The following STIM2 variants were observed in gnomAD, a reference collection of about 807,000 sequenced individuals.
STIM2 encodes the protein stromal interaction molecule 2.
Under a neutral mutation model 85.8 loss-of-function variants are expected in STIM2, and 31 were observed. That is an observed-to-expected ratio of 0.36 (90% CI 0.27 to 0.49). STIM2 has a LOEUF of 0.49. Ranked by LOEUF, STIM2 falls within the 20% of genes least tolerant of loss-of-function variation. The probability of loss-of-function intolerance (pLI) is 0.98; values close to 1 mark genes in which losing one functional copy is unlikely to be tolerated. For missense variants in STIM2, 841 were observed against 927.6 expected, an observed-to-expected ratio of 0.91 and a Z score of 1.21; for synonymous variants, 356 against 331.1, an observed-to-expected ratio of 1.08 and a Z score of -0.82.
At chr4:27,011,182 C>T (rs1477134196) in intron 10 of STIM2, among the ~76,000 whole-genome samples, 1 of 152,126 alleles carries the variant, frequency 6.6e-6, no homozygotes, top group East Asian at 1.9e-4. Context: ...ACATATATAT[C>T]CATAACATTA....
At position 27,024,351 on chromosome 4, in the gene STIM2, C is replaced by T. The variant is rs907223120; in HGVS notation, c.*1355C>T. On this transcript the variant is annotated 3_prime_UTR_variant, in exon 12 of 12. Coordinates refer to ENST00000467087, the MANE Select transcript of STIM2 (RefSeq NM_020860.4). ...TTATACCACTTTAAAAATATGCAAT[C>T]ATAAGTGATTTGGTTACTGCAATGC... 1 of 152,092 alleles carries T rather than the reference C, an allele frequency of 6.6e-6. No homozygotes were observed. The highest frequency in any genetic ancestry group is 2.4e-5 in the African/African-American group (1 of 41,408). 9.4% of individuals were successfully genotyped at this position (152,092 alleles called of 1,614,324 possible).
At chr4:26,990,763 T>TA (rs1411204420) in intron 3 of STIM2, among the ~76,000 whole-genome samples, 20 of 151,404 alleles carry the variant, frequency 1.3e-4, no homozygotes. Flanking sequence ...ATAATCTGAG[T>TA]AAAAAATGGG....
At chr4:26,950,992 G>C (rs1726028332) in intron 2 of STIM2, among the ~76,000 whole-genome samples, 1 of 152,038 alleles carries the variant, frequency 6.6e-6, no homozygotes, top group Non-Finnish European at 1.5e-5. Context: ...AAACTCAACT[G>C]ATGTAATTTT....
At chr4:27,006,519 ATG>A (rs1262531495) in intron 7 of STIM2, among the ~76,000 whole-genome samples, 1 of 151,984 alleles carries the variant, frequency 6.6e-6, no homozygotes, top group Non-Finnish European at 1.5e-5. Context: ...GTGTGAGTGT[ATG>A]TGCACAATTT....
intron 10 of STIM2, among the ~76,000 whole-genome samples, chr4:27,016,242 A>G (rs1728726961): frequency 6.6e-6 from 1 of 152,010 alleles, no homozygotes; most frequent in African/African-American, 2.4e-5. Context: ...AAAAATCCCT[A>G]TTTTTTAGTT....
intron 3 of STIM2, among the ~76,000 whole-genome samples, chr4:26,964,463 G>T (rs1726631311): frequency 1.3e-5 from 2 of 152,112 alleles, no homozygotes; most frequent in African/African-American, 2.4e-5. Flanking sequence ...TTCACTATTG[G>T]CAGGAACATT....
At chr4:26,968,024 C>T (rs925319941) in intron 3 of STIM2, among the ~76,000 whole-genome samples, 13 of 152,114 alleles carry the variant, frequency 8.5e-5, no homozygotes, top group African/African-American at 2.2e-4. Context: ...GAAAAAAATT[C>T]GCCAGTCTTG....
intron 1 of STIM2, among the ~76,000 whole-genome samples, chr4:26,906,966 CAAAA>C (rs33976513): frequency 3.4e-5 from 4 of 116,608 alleles, no homozygotes; most frequent in East Asian, 2.4e-4. Context: ...GACTCCGTCT[CAAAA>C]AAAAAAAAAA....
chr4:26,895,860 AGT>A (rs1723679307), intron 1 of STIM2, among the ~76,000 whole-genome samples: 1 of 152,238 alleles, frequency 6.6e-6, no homozygotes, highest in Non-Finnish European at 1.5e-5. Context: ...AATCAAACTC[AGT>A]GTGTTAGTTT....
rs568762161 is a variant in STIM2, at chr4:26,963,347, C to G, written c.397+5621C>G. On this transcript the variant is annotated intron_variant, in intron 3 of 11. Transcript: ENST00000467087. ...ATTTCTAAATGTTGATAAAATCCAC[C>G]AGCTCTTTAAAGTGTATGATGTTGG... 2.0e-5 allele frequency among the ~76,000 whole-genome samples: 3 copies of G among 152,008 alleles called. No individual in the cohort carries two copies. The South Asian group carries it at 6.2e-4, about 32-fold the overall frequency.
At chr4:26,934,869 C>T (rs940298238) in intron 2 of STIM2, among the ~76,000 whole-genome samples, 4 of 143,382 alleles carry the variant, frequency 2.8e-5, no homozygotes, top group Admixed American at 1.5e-4. Flanking sequence ...GCCGAGATCG[C>T]GCCATTGAAC....
chr4:26,883,473 G>A (rs1356175768), intron 1 of STIM2, among the ~76,000 whole-genome samples: 1 of 151,850 alleles, frequency 6.6e-6, no homozygotes, highest in Non-Finnish European at 1.5e-5. Context: ...TTTTCCCTTG[G>A]AAAACAGAGG....
At chr4:27,007,759 G>T (rs770450363) in intron 8 of STIM2, 59 bp downstream of exon 8, 204 of 1,451,968 alleles carry the variant, frequency 1.4e-4, no homozygotes, top group Non-Finnish European at 1.8e-4. Flanking sequence ...TTCTTAGAGG[G>T]ATTACTCAGC....
chr4:26,946,386 C>T (rs369844973), intron 2 of STIM2, among the ~76,000 whole-genome samples: 2 of 152,174 alleles, frequency 1.3e-5, no homozygotes, highest in Non-Finnish European at 2.9e-5. Flanking sequence ...AGAACCTGTC[C>T]GTTCCCTTAA....
chr4:26,881,875 T>C (rs2109036858), intron 1 of STIM2, among the ~76,000 whole-genome samples: 1 of 152,340 alleles, frequency 6.6e-6, no homozygotes, highest in Admixed American at 6.5e-5. Flanking sequence ...AAATCTTTTC[T>C]CCACTGTGGA....
At chr4:27,018,166 A>C (rs902519120) in intron 11 of STIM2, among the ~76,000 whole-genome samples, 182 bp downstream of exon 11, 13 of 152,132 alleles carry the variant, frequency 8.5e-5, no homozygotes, top group South Asian at 2.1e-4. Context: ...CAGAATTCCA[A>C]GCCTGGTGTG....
chr4:26,931,502 C>T (rs1394791385), intron 2 of STIM2, among the ~76,000 whole-genome samples: 1 of 152,116 alleles, frequency 6.6e-6, no homozygotes, highest in African/African-American at 2.4e-5. Context: ...TTGGAAATGT[C>T]CCACAATAAA....
chr4:26,932,580 T>A (rs1045980831), intron 2 of STIM2, among the ~76,000 whole-genome samples: 1 of 152,220 alleles, frequency 6.6e-6, no homozygotes, highest in African/African-American at 2.4e-5. Context: ...TGGTAGTATA[T>A]CTTGGCTATA....
At chr4:27,016,995 A>T in intron 10 of STIM2, among the ~76,000 whole-genome samples, 2 of 152,250 alleles carry the variant, frequency 1.3e-5, no homozygotes, top group African/African-American at 4.8e-5. Context: ...TGAACCATGC[A>T]GGAGCGAACA....
Sources: allele counts gnomAD v4.1 joint callset (sites outside exome capture counted in the v4.1 genomes callset), GRCh38; gene constraint gnomAD v4.1.1; transcripts MANE v1.5; gene names NCBI Gene and HGNC (gene_info 2026-07-23, HGNC 2026-07-21).